MECOM: variants seen among roughly 807,000 people sequenced by gnomAD.
MECOM encodes the protein MDS1 and EVI1 complex locus.
A neutral mutation model predicts 116.3 loss-of-function variants in MECOM; 13 were observed. That is an observed-to-expected ratio of 0.11 (90% confidence interval 0.07 to 0.18). The LOEUF (loss-of-function observed/expected upper bound fraction) is 0.18. Ranked by LOEUF, MECOM falls within the 10% of genes least tolerant of loss-of-function variation. The pLI is 1.00. For synonymous variants in MECOM, 528 were observed against 535.2 expected (o/e 0.99, Z 0.19); for missense variants, 1,299 against 1,509.0 (o/e 0.86, Z 2.31).
chr3:169,413,072 C>A (rs112340886), intron 1 of MECOM, among the ~76,000 whole-genome samples: 2 of 152,096 alleles, frequency 1.3e-5, no homozygotes, highest in Non-Finnish European at 2.9e-5. Context: ...GCAAGATGGC[C>A]GAATAGAAAC....
Position 169,381,529 on chromosome 3 carries a change from G to C in MECOM, c.38-5C>G, listed in dbSNP as rs763382274. The C allele has an allele frequency of 1.9e-5, 30 of 1,553,344 alleles. No homozygotes were observed. The highest frequency in any genetic ancestry group is 2.6e-5 in the Non-Finnish European group (30 of 1,148,344). ...TGCCATATACACACTCATTATCTGT[G>C]AATAAATAAGAACTTCATGAATTCC... On this transcript the variant is annotated splice_polypyrimidine_tract_variant and splice_region_variant and intron_variant, in intron 1 of 16. Transcript: ENST00000651503.
intron 2 of MECOM, among the ~76,000 whole-genome samples, chr3:169,176,250 A>G (rs1226099038): frequency 3.3e-5 from 5 of 152,190 alleles, no homozygotes; most frequent in Non-Finnish European, 7.4e-5. Context: ...TTTAGCATAT[A>G]TCAAGAGGAT....
At chr3:169,594,178 A>AAAAACACCTT (rs1553894686) in intron 1 of MECOM, among the ~76,000 whole-genome samples, 1 of 138,598 alleles carries the variant, frequency 7.2e-6, no homozygotes, top group African/African-American at 2.8e-5. Context: ...AAAAAAAAAC[A>AAAAACACCTT]CCTTTTCACC....
intron 13 of MECOM, among the ~76,000 whole-genome samples, chr3:169,094,804 T>C (rs900435647): frequency 1.3e-5 from 2 of 152,190 alleles, no homozygotes; most frequent in African/African-American, 4.8e-5. Flanking sequence ...GTTTCATAAG[T>C]CTCCTGCGAG....
intron 2 of MECOM, among the ~76,000 whole-genome samples, chr3:169,210,482 A>G (rs1711078): frequency 0.083 from 12,665 of 152,276 alleles, 600 homozygotes; most frequent in African/African-American, 0.11. Context: ...TTAGTAATTG[A>G]GTGACATTTT....
chr3:169,472,160 C>T (rs536284782), intron 1 of MECOM, among the ~76,000 whole-genome samples: 2 of 151,274 alleles, frequency 1.3e-5, no homozygotes, highest in South Asian at 4.2e-4. Context: ...TCTCATATAC[C>T]CAATAAATAT....
intron 1 of MECOM, among the ~76,000 whole-genome samples, chr3:169,493,071 T>A (rs1379536361): frequency 6.6e-6 from 1 of 152,232 alleles, no homozygotes. Context: ...AATCTTCTTG[T>A]TCAAGCGCTG....
chr3:169,159,322 C>T lies in MECOM; in HGVS notation c.376-15490G>A, dbSNP rs188054771. On this transcript the variant is annotated intron_variant, in intron 2 of 16. Transcript: ENST00000651503. Reference sequence around the variant, plus strand: ...CTGTAATCATTCCAGGACTCTGGGACGCCAAGGTGGGCAGATCACGAGGTC... The same window carrying T: ...CTGTAATCATTCCAGGACTCTGGGATGCCAAGGTGGGCAGATCACGAGGTC... Among the ~76,000 whole-genome samples the T allele has an allele frequency of 3.1e-3, 473 of 152,218 alleles. 2 individuals carry two copies. The highest frequency in any genetic ancestry group is 0.011 in the African/African-American group (442 of 41,530).
intron 1 of MECOM, among the ~76,000 whole-genome samples, chr3:169,549,977 C>A (rs1043784781): frequency 6.6e-5 from 10 of 152,034 alleles, no homozygotes; most frequent in African/African-American, 2.2e-4. Context: ...TCTGGCGCAA[C>A]CTCTATCAGG....
chr3:169,486,006 C>G (rs112979697), intron 1 of MECOM, among the ~76,000 whole-genome samples: 5,108 of 108,504 alleles, frequency 0.047, 130 homozygotes, highest in East Asian at 0.14. Flanking sequence ...TATATATATA[C>G]TATATATATA....
intron 1 of MECOM, among the ~76,000 whole-genome samples, chr3:169,555,532 GT>G (rs1451740785): frequency 3.3e-5 from 5 of 152,166 alleles, no homozygotes; most frequent in African/African-American, 9.7e-5. Context: ...CCAAACAGGG[GT>G]CTAACAATGT....
At chr3:169,460,129 G>A (rs143119042) in intron 1 of MECOM, among the ~76,000 whole-genome samples, 24 of 152,130 alleles carry the variant, frequency 1.6e-4, no homozygotes, top group Admixed American at 1.2e-3. Flanking sequence ...AGACTCCCAC[G>A]TCCTCACTGG....
chr3:169,252,182 T>C (rs1359695880), intron 2 of MECOM, among the ~76,000 whole-genome samples: 1 of 152,168 alleles, frequency 6.6e-6, no homozygotes, highest in Non-Finnish European at 1.5e-5. Context: ...TTTTGTAAAA[T>C]ATCAATACAT....
At chr3:169,286,068 C>T (rs893791864) in intron 2 of MECOM, among the ~76,000 whole-genome samples, 1 of 152,190 alleles carries the variant, frequency 6.6e-6, no homozygotes, top group African/African-American at 2.4e-5. Flanking sequence ...TATCAAGGAA[C>T]CCATAAGAAA....
chr3:169,409,682 T>G (rs951299247), intron 1 of MECOM, among the ~76,000 whole-genome samples: 1 of 152,220 alleles, frequency 6.6e-6, no homozygotes, highest in African/African-American at 2.4e-5. Flanking sequence ...CTATACATTT[T>G]GAAACCCTCA....
intron 2 of MECOM, among the ~76,000 whole-genome samples, chr3:169,376,136 C>T (rs1198161565): frequency 2.0e-5 from 3 of 151,838 alleles, no homozygotes; most frequent in South Asian, 2.1e-4. Flanking sequence ...CAGCCCTTCA[C>T]GCTAAAAACT....
chr3:169,153,083 T>G (rs1370199270), intron 2 of MECOM, among the ~76,000 whole-genome samples: 2 of 152,204 alleles, frequency 1.3e-5, no homozygotes, highest in Non-Finnish European at 2.9e-5. Context: ...TCCTAAGCTA[T>G]GATGCTGAGT....
At chr3:169,576,202 A>G (rs1423159584) in intron 1 of MECOM, among the ~76,000 whole-genome samples, 1 of 152,130 alleles carries the variant, frequency 6.6e-6, no homozygotes, top group Non-Finnish European at 1.5e-5. Flanking sequence ...ACAATCTCAG[A>G]TCCTTAAAAC....
At chr3:169,324,342 G>A (rs1329045641) in intron 2 of MECOM, among the ~76,000 whole-genome samples, 6 of 152,222 alleles carry the variant, frequency 3.9e-5, no homozygotes, top group Non-Finnish European at 8.8e-5. Flanking sequence ...TATAGGGATA[G>A]TCAGAGTATG....
Sources: allele counts gnomAD v4.1 joint callset (sites outside exome capture counted in the v4.1 genomes callset), GRCh38; gene constraint gnomAD v4.1.1; transcripts MANE v1.5; gene names NCBI Gene and HGNC (gene_info 2026-07-23, HGNC 2026-07-21).